BRINP3: variants seen among roughly 807,000 people sequenced by gnomAD.
BRINP3 encodes the protein BMP/retinoic acid inducible neural specific 3, also known as BMP/retinoic acid-inducible neural-specific protein 3.
Under a neutral mutation model 71.0 loss-of-function variants are expected in BRINP3, and 19 were observed. That is an observed-to-expected ratio of 0.27 (90% CI 0.19 to 0.39). The LOEUF (loss-of-function observed/expected upper bound fraction) is 0.39, where lower values mean the gene tolerates loss of function less well. Among genes scored for constraint, BRINP3 ranks in the 10% least tolerant of loss-of-function variants. The pLI, the probability that BRINP3 is intolerant of heterozygous loss-of-function variation, is 1.00. For missense variants in BRINP3, 959 were observed against 940.8 expected, an observed-to-expected ratio of 1.02 and a Z score of -0.25; for synonymous variants, 380 against 337.7, an observed-to-expected ratio of 1.13 and a Z score of -1.37.
chr1:190,167,165 G>A (rs1277165616), intron 6 of BRINP3, among the ~76,000 whole-genome samples: 1 of 151,914 alleles, frequency 6.6e-6, no homozygotes, highest in South Asian at 2.1e-4. Context: ...GAATTTATCC[G>A]ATTAAGTGAG....
Position 190,099,049 on chromosome 1 carries a change from G to T in BRINP3, c.1270C>A (p.His424Asn). Residue 424 changes from histidine (H) to asparagine (N), a missense_variant, in exon 8 of 8, where the codon CAC becomes AAC. Coordinates refer to ENST00000367462, the MANE Select transcript of BRINP3 (RefSeq NM_199051.3). ...GLLGSFSEET[H>N]SCTCPNDQVV... is the part of the protein sequence containing the mutation. ...TGGTCATTCGGACACGTGCACGAGT[G>T]CGTCTCTTCTGAAAAGCTGCCTAGG... 6.2e-7 allele frequency: 1 copy of T among 1,614,172 alleles called. No homozygotes were observed. The highest frequency in any genetic ancestry group is 8.5e-7 in the Non-Finnish European group (1 of 1,180,026).
intron 4 of BRINP3, 48 bp from the exon 5 acceptor site, chr1:190,234,525 G>A (rs372715870): frequency 8.5e-6 from 12 of 1,408,794 alleles, no homozygotes; most frequent in Admixed American, 1.7e-5. Context: ...ACTTTACAAT[G>A]TCCTTTTGGT....
intron 7 of BRINP3, among the ~76,000 whole-genome samples, chr1:190,117,135 A>C (rs1248396209): frequency 6.6e-6 from 1 of 152,062 alleles, no homozygotes; most frequent in African/African-American, 2.4e-5. Context: ...TGTTAGAGAG[A>C]ATGTCTCATT....
chr1:190,118,066 A>C (rs953345390), intron 7 of BRINP3, among the ~76,000 whole-genome samples: 10 of 152,010 alleles, frequency 6.6e-5, no homozygotes, highest in Non-Finnish European at 1.0e-4. Context: ...GGTACAAATA[A>C]ATCTCATAAA....
intron 7 of BRINP3, among the ~76,000 whole-genome samples, chr1:190,119,075 T>A (rs1274164540): frequency 6.6e-6 from 1 of 152,148 alleles, no homozygotes; most frequent in Non-Finnish European, 1.5e-5. Context: ...GGATAATTGC[T>A]ATTTATATTT....
chr1:190,325,985 T>C (rs991632529), intron 2 of BRINP3, among the ~76,000 whole-genome samples: 1 of 152,024 alleles, frequency 6.6e-6, no homozygotes, highest in Non-Finnish European at 1.5e-5. Flanking sequence ...AACAATAAAT[T>C]GCAAGGAAGC....
Position 190,290,697 on chromosome 1 carries a change from G to A in BRINP3, c.237-8947C>T, listed in dbSNP as rs1229089409. Among the ~76,000 whole-genome samples, 3 of 152,096 alleles carry A rather than the reference G, an allele frequency of 2.0e-5. No individual in the cohort carries two copies. In the East Asian group the frequency reaches 5.8e-4, roughly 29 times the overall value. On this transcript the variant is annotated intron_variant, in intron 2 of 7. Transcript: ENST00000367462. ...CCTATGAATTTTAAACTATGGCACT[G>A]AGGTGTGTGCTCTTTTTATCTCCTT...
At chr1:190,201,997 G>A (rs1330756188) in intron 6 of BRINP3, among the ~76,000 whole-genome samples, 3 of 152,146 alleles carry the variant, frequency 2.0e-5, no homozygotes, top group African/African-American at 7.2e-5. Flanking sequence ...GTGGAGCTGT[G>A]AGAAGAGGGC....
At chr1:190,359,479 C>T (rs1014271982) in intron 2 of BRINP3, among the ~76,000 whole-genome samples, 1 of 151,996 alleles carries the variant, frequency 6.6e-6, no homozygotes, top group Non-Finnish European at 1.5e-5. Context: ...CTTTGAGCCT[C>T]GCAGGGTACG....
chr1:190,220,013 T>C (rs1333804029), intron 6 of BRINP3, among the ~76,000 whole-genome samples: 1 of 151,944 alleles, frequency 6.6e-6, no homozygotes, highest in Non-Finnish European at 1.5e-5. Context: ...AAAAGTGAGC[T>C]GAGCAAGATC....
intron 2 of BRINP3, among the ~76,000 whole-genome samples, chr1:190,350,490 A>T (rs1388210826): frequency 6.6e-6 from 1 of 152,136 alleles, no homozygotes; most frequent in Non-Finnish European, 1.5e-5. Flanking sequence ...ATGGACACCA[A>T]ATACTAAAAT....
intron 7 of BRINP3, among the ~76,000 whole-genome samples, chr1:190,124,525 G>A (rs1035203983): frequency 1.3e-5 from 2 of 152,008 alleles, no homozygotes; most frequent in Non-Finnish European, 2.9e-5. Flanking sequence ...CGTAGAAGCT[G>A]CTTAACAAAT....
At chr1:190,374,650 C>A (rs750870816) in intron 2 of BRINP3, among the ~76,000 whole-genome samples, 1 of 151,694 alleles carries the variant, frequency 6.6e-6, no homozygotes, top group Non-Finnish European at 1.5e-5. Context: ...TGTATAGACA[C>A]AAAGACCCAT....
At chr1:190,358,442 C>G (rs1299093839) in intron 2 of BRINP3, among the ~76,000 whole-genome samples, 1 of 152,166 alleles carries the variant, frequency 6.6e-6, no homozygotes, top group Non-Finnish European at 1.5e-5. Flanking sequence ...CAGCAAAATG[C>G]AAATCAAAAC....
At chr1:190,441,848 T>G (rs189756702) in intron 2 of BRINP3, among the ~76,000 whole-genome samples, 1 of 152,052 alleles carries the variant, frequency 6.6e-6, no homozygotes, top group Non-Finnish European at 1.5e-5. Flanking sequence ...ATTGAAGAGA[T>G]AGAATTGGGA....
intron 2 of BRINP3, among the ~76,000 whole-genome samples, chr1:190,330,528 G>C (rs981651910): frequency 6.6e-6 from 1 of 152,048 alleles, no homozygotes; most frequent in African/African-American, 2.4e-5. Flanking sequence ...ACACACTGTT[G>C]GTAGGAATGT....
At chr1:190,148,681 C>A (rs1327199519) in intron 7 of BRINP3, among the ~76,000 whole-genome samples, 1 of 151,574 alleles carries the variant, frequency 6.6e-6, no homozygotes, top group Non-Finnish European at 1.5e-5. Context: ...ATTTATAGTA[C>A]TGCATTAGCT....
chr1:190,133,428 A>C (rs577891045), intron 7 of BRINP3, among the ~76,000 whole-genome samples: 12 of 152,106 alleles, frequency 7.9e-5, no homozygotes, highest in Non-Finnish European at 1.6e-4. Context: ...ATCCCCACAA[A>C]TCAGAGGCAG....
chr1:190,137,177 G>A (rs376433463), intron 7 of BRINP3, among the ~76,000 whole-genome samples: 2 of 151,988 alleles, frequency 1.3e-5, no homozygotes, highest in Non-Finnish European at 2.9e-5. Flanking sequence ...CACTGAAGGA[G>A]GTTTGGGGAA....
Sources: allele counts gnomAD v4.1 joint callset (sites outside exome capture counted in the v4.1 genomes callset), GRCh38; gene constraint gnomAD v4.1.1; transcripts MANE v1.5; gene names NCBI Gene and HGNC (gene_info 2026-07-23, HGNC 2026-07-21).